ABCA3: variants seen among roughly 807,000 people sequenced by gnomAD.
The protein encoded by ABCA3 is ATP binding cassette subfamily A member 3.
In ABCA3, 88 loss-of-function variants were observed where a neutral mutation model predicts 172.8. That is an observed-to-expected ratio of 0.51 (90% CI 0.43 to 0.61). The LOEUF (loss-of-function observed/expected upper bound fraction) is 0.61. ABCA3 is among the 20% of genes least tolerant of loss of function. The pLI is 0.00. For missense variants in ABCA3, 2,164 were observed against 2,301.0 expected, an observed-to-expected ratio of 0.94 and a Z score of 1.22; for synonymous variants, 1,066 against 983.8, an observed-to-expected ratio of 1.08 and a Z score of -1.56.
rs761711707 is a variant in ABCA3, at chr16:2,319,790, T to C, written c.664A>G (p.Ile222Val). Residue 222 changes from isoleucine to valine, a missense_variant, in exon 8 of 33, where the codon ATC becomes GTC. By Grantham distance (29) the Ile-to-Val change is conservative. This residue lies in a region of ABCA3 where 1,343 missense variants were observed against 1,369.6 expected (regional missense o/e 0.98). Coordinates refer to ENST00000301732, the MANE Select transcript of ABCA3 (RefSeq NM_001089.3). ...GCGGCATCGGCATGGTACTCCATGATGGCCCGGTCCACAGCATGCTGCACG... is the reference window on the plus strand; with the variant it reads ...GCGGCATCGGCATGGTACTCCATGACGGCCCGGTCCACAGCATGCTGCACG... Reference protein sequence around the residue: ...LAVQHAVDRAIMEYHADAATR... With the variant: ...LAVQHAVDRAVMEYHADAATR... The C allele has an allele frequency of 1.9e-6, 3 of 1,614,050 alleles. No individual in the cohort carries two copies. The highest frequency in any genetic ancestry group is 1.7e-5 in the Admixed American group (1 of 60,010).
chr16:2,295,400 G>A (rs1158048077), intron 18 of ABCA3, among the ~76,000 whole-genome samples, 190 bp downstream of exon 18: 2 of 152,228 alleles, frequency 1.3e-5, no homozygotes, highest in Non-Finnish European at 2.9e-5. Flanking sequence ...TCCTTGCTAG[G>A]AGGCCTGGCA....
rs531696899 is a variant in ABCA3, at chr16:2,295,842, G to T, written c.2264-102C>A. On this transcript the variant is annotated intron_variant, in intron 17 of 32. Coordinates refer to ENST00000301732, the MANE Select transcript of ABCA3 (RefSeq NM_001089.3). The stretch of plus-strand genomic sequence containing the variant: ...CTCACACCAGGCAAGCTGGTGGGAA[G>T]GAGGCTAGAGAACCGGAGGTGGGCA... 1.1e-4 allele frequency: 174 copies of T among 1,524,160 alleles called. 4 individuals are homozygous for T. In the East Asian group the frequency reaches 3.9e-3, roughly 34 times the overall value. 94.4% of individuals were successfully genotyped at this position (1,524,160 alleles called of 1,614,324 possible).
intron 10 of ABCA3, among the ~76,000 whole-genome samples, chr16:2,309,225 C>T (rs1409187129): frequency 2.0e-5 from 3 of 152,038 alleles, no homozygotes; most frequent in African/African-American, 4.8e-5. Flanking sequence ...GGATTACAGG[C>T]GTGAGCCACC....
chr16:2,280,299 C>T (rs573591300), intron 28 of ABCA3, among the ~76,000 whole-genome samples: 10 of 152,370 alleles, frequency 6.6e-5, no homozygotes, highest in African/African-American at 9.6e-5. Flanking sequence ...GCAGATCTAA[C>T]GCCTATGTGC....
intron 14 of ABCA3, 24 bp from the exon 15 acceptor site, chr16:2,298,564 C>A: frequency 6.2e-7 from 1 of 1,611,608 alleles, no homozygotes; most frequent in South Asian, 1.1e-5. Context: ...GGAGACCCCA[C>A]ATTCAGCATG....
In ABCA3 at chr16:2,286,457, C is replaced by T. The variant is rs940516452; in HGVS notation, c.3278+237G>A. On this transcript the variant is annotated intron_variant, in intron 22 of 32. Transcript: ENST00000301732. This position sits in a 1 kb window ranked among gnomAD's most constrained non-coding sequence, Gnocchi z 5.2. Reference sequence around the variant, plus strand: ...AGGAGGAGAAGGCAGGGCTGCCTGCCGAGCCTTCATGGGTCCCCGTGAGGA... The same window carrying T: ...AGGAGGAGAAGGCAGGGCTGCCTGCTGAGCCTTCATGGGTCCCCGTGAGGA... Among the ~76,000 whole-genome samples the T allele has an allele frequency of 6.6e-6, 1 of 152,198 alleles. No individual in the cohort carries two copies. Among genetic ancestry groups the T allele is most frequent in the East Asian group, 1.9e-4 (1 of 5,184 alleles).
intron 1 of ABCA3, among the ~76,000 whole-genome samples, chr16:2,334,268 G>A (rs1596872546): frequency 6.6e-6 from 1 of 152,172 alleles, no homozygotes; most frequent in Admixed American, 6.5e-5. Context: ...GAGTCATTCC[G>A]AGTGGCAGTG....
Position 2,283,266 on chromosome 16 carries a change from T to C in ABCA3, c.3955A>G (p.Ile1319Val). The change falls in exon 26 of 33, where the codon ATC (isoleucine) becomes GTC (valine). Residue 1319 changes from isoleucine (I) to valine (V), a missense_variant. Coordinates refer to ENST00000301732, the MANE Select transcript of ABCA3 (RefSeq NM_001089.3). The surrounding 1 kb of genome is among the most constrained non-coding windows in gnomAD (Gnocchi z 5.4). The part of the protein sequence containing the change: ...SMAASGCAYL[I>V]LLFLIETNLL... The stretch of plus-strand genomic sequence containing the variant: ...TTGGTCTCGATGAGGAAGAGCAGGA[T>C]GAGGTAGGCGCACCCTGAGGCGGCC... 6.2e-7 allele frequency: 1 copy of C among 1,613,394 alleles called. No individual in the cohort carries two copies. Among genetic ancestry groups the C allele is most frequent in the South Asian group, 1.1e-5 (1 of 91,080 alleles).
chr16:2,323,797 C>T (rs747314251), intron 6 of ABCA3, 109 bp from the exon 7 acceptor site: 28 of 1,156,074 alleles, frequency 2.4e-5, no homozygotes, highest in Admixed American at 2.0e-4. Context: ...GAGAACTCAC[C>T]ACTCCCCCGC....
chr16:2,281,410 T>G lies in ABCA3; in HGVS notation c.4135A>C (p.Thr1379Pro). The G allele has an allele frequency of 6.2e-7, 1 of 1,613,650 alleles. No homozygotes were observed. Residue 1379 changes from threonine to proline, a missense_variant, in exon 27 of 33, where the codon ACA (threonine) becomes CCA (proline). Around this residue, in one of 3 missense-constraint regions of ABCA3, gnomAD observed 795 missense variants for 881.9 expected, o/e 0.90. Coordinates refer to ENST00000301732, the MANE Select transcript of ABCA3 (RefSeq NM_001089.3). This position sits in a 1 kb window ranked among gnomAD's most constrained non-coding sequence, Gnocchi z 4.7. ...GAGAGCTCCTTGATAATCAGAGGTG[T>G]GTGGAGCAGGGAGTCCGGACTGGGG... ...LAPSPDSLLH[T>P]PLIIKELSKV...
chr16:2,305,933 C>T (rs1257123187), intron 11 of ABCA3, among the ~76,000 whole-genome samples: 1 of 152,138 alleles, frequency 6.6e-6, no homozygotes, highest in Non-Finnish European at 1.5e-5. Context: ...CATTGCAGTC[C>T]TGACAGTGCT....
In ABCA3 at chr16:2,278,311, C is replaced by T; in HGVS notation, c.4695G>A (p.Lys1565=). 1.2e-6 allele frequency: 2 copies of T among 1,609,724 alleles called. No individual in the cohort carries two copies. The highest frequency in any genetic ancestry group is 8.5e-7 in the Non-Finnish European group (1 of 1,180,000). Residue 1565 remains lysine (K), a synonymous_variant, in exon 30 of 33, where the codon AAG becomes AAA. Transcript: ENST00000301732. The surrounding 1 kb of genome is among the most constrained non-coding windows in gnomAD (Gnocchi z 4.4). The part of the protein sequence containing the change: ...DTVARARESG[K]AIIITSHSME... ...ACCTGTGGGAGGTGATGATGATGGC[C>T]TTGCCAGACTCTCGGGCTCGTGCCA...
In ABCA3 at chr16:2,306,351, A is replaced by AAACACGTGT. The variant is rs1485785903; in HGVS notation, c.1285+2098_1285+2099insACACGTGTT. Among the ~76,000 whole-genome samples the AAACACGTGT allele has an allele frequency of 3.9e-5, 6 of 152,310 alleles. No homozygotes were observed. In the South Asian group the frequency reaches 1.2e-3, roughly 32 times the overall value. ...AAAAAAAAATTGTTAAAAAGAAAGC[A>AAACACGTGT]AAAGAACAAAGTTTACATTTTATCA... On this transcript the variant is annotated intron_variant, in intron 11 of 32. Transcript: ENST00000301732.
At chr16:2,300,690 A>G (rs1170099646) in intron 12 of ABCA3, among the ~76,000 whole-genome samples, 2 of 152,202 alleles carry the variant, frequency 1.3e-5, no homozygotes, top group Non-Finnish European at 2.9e-5. Context: ...CACACCTCAC[A>G]CAGTGCCCTC....
Position 2,286,868 on chromosome 16 carries a change from C to T in ABCA3, c.3104G>A (p.Arg1035His), listed in dbSNP as rs201973047. The T allele has an allele frequency of 3.7e-5, 60 of 1,613,930 alleles. No homozygotes were observed. The highest frequency in any genetic ancestry group is 4.7e-5 in the Non-Finnish European group (56 of 1,180,032). Reference protein sequence around the residue: ...VAASFRDVGERTVVNALFNNQ... With the variant: ...VAASFRDVGEHTVVNALFNNQ... ...GTTGAACAAGGCGTTGACGACCGTG[C>T]GCTCTCCCACATCTCTGAAGGACGC... is the stretch of plus-strand genomic sequence containing the variant. The change falls in exon 22 of 33, where the codon CGC (arginine) becomes CAC (histidine). Residue 1035 changes from arginine (R) to histidine (H), a missense_variant. This residue lies in a region of ABCA3 where 26 missense variants were observed against 49.5 expected (regional missense o/e 0.53). Coordinates refer to ENST00000301732, the MANE Select transcript of ABCA3 (RefSeq NM_001089.3). This position sits in a 1 kb window ranked among gnomAD's most constrained non-coding sequence, Gnocchi z 5.2.
At chr16:2,291,949 T>C (rs1034037879) in intron 19 of ABCA3, among the ~76,000 whole-genome samples, 191 bp downstream of exon 19, 1 of 152,074 alleles carries the variant, frequency 6.6e-6, no homozygotes, top group Non-Finnish European at 1.5e-5. Context: ...GGCACATGCC[T>C]GTAATCCCAG....
At chr16:2,326,625 C>T in intron 3 of ABCA3, 133 bp from the exon 4 acceptor site, 1 of 963,212 alleles carries the variant, frequency 1.0e-6, no homozygotes, top group Non-Finnish European at 1.6e-6. Context: ...CTCCAAACAC[C>T]CCTGGAGGGA....
At chr16:2,280,633 C>T (rs1042367435) in intron 28 of ABCA3, among the ~76,000 whole-genome samples, 4 of 152,176 alleles carry the variant, frequency 2.6e-5, no homozygotes, top group Non-Finnish European at 5.9e-5. Flanking sequence ...TCTGGTCCTT[C>T]TGCGGGGGAG....
intron 1 of ABCA3, among the ~76,000 whole-genome samples, chr16:2,338,746 TTCA>T (rs1423268284): frequency 2.7e-5 from 4 of 149,444 alleles, no homozygotes; most frequent in Non-Finnish European, 5.9e-5. Flanking sequence ...CTGTGTCCAA[TTCA>T]TCTTTTTTTT....
Sources: gnomAD v4.1 joint callset for allele counts (sites outside exome capture counted in the v4.1 genomes callset) on GRCh38, gnomAD v4.1.1 for gene constraint, gnomAD v4.1.1 regional missense constraint, Gnocchi (gnomAD v3.1) non-coding constraint, MANE v1.5 for transcripts, NCBI Gene and HGNC (gene_info 2026-07-23, HGNC 2026-07-21) for gene names.